Variants in TIA1 observed in about 807,000 individuals in gnomAD.
TIA1 encodes cytotoxic granule associated RNA binding protein TIA1.
Under a neutral mutation model 65.9 loss-of-function variants are expected in TIA1, and 23 were observed. The observed-to-expected ratio is 0.35, with a 90% confidence interval of 0.25 to 0.49. The LOEUF is 0.49. Among genes scored for constraint, TIA1 ranks in the 20% least tolerant of loss-of-function variants. The pLI is 0.98. For synonymous variants in TIA1, 147 were observed against 149.4 expected (o/e 0.98, Z 0.12); for missense variants, 371 against 477.9 (o/e 0.78, Z 2.09).
intron 2 of TIA1, among the ~76,000 whole-genome samples, chr2:70,233,368 A>T (rs1363377482): frequency 2.0e-5 from 3 of 152,202 alleles, no homozygotes; most frequent in African/African-American, 7.2e-5. Context: ...TATTTTGTCT[A>T]AAAAAATTAG....
chr2:70,229,333 T>C lies in TIA1; in HGVS notation c.223-15A>G, dbSNP rs753527539. The C allele has an allele frequency of 2.6e-6, 4 of 1,562,306 alleles. No individual in the cohort carries two copies. Among genetic ancestry groups the C allele is most frequent in the Middle Eastern group, 1.9e-4 (1 of 5,342 alleles). On this transcript the variant is annotated splice_polypyrimidine_tract_variant and intron_variant, in intron 3 of 12. Transcript: ENST00000433529. ...ACTTTGACTTCCTAAAAAAAAAAAA[T>C]TTCTACATTTATACTTCACAAAAAT...
intron 1 of TIA1, 50 bp downstream of exon 1, chr2:70,248,355 C>T (rs1251480865): frequency 1.9e-6 from 3 of 1,588,610 alleles, no homozygotes; most frequent in Non-Finnish European, 2.6e-6. Flanking sequence ...CGAGGCCTTC[C>T]CTCCGGGACG....
At chr2:70,221,482 A>G (rs1049305588) in intron 7 of TIA1, among the ~76,000 whole-genome samples, 2 of 151,184 alleles carry the variant, frequency 1.3e-5, no homozygotes, top group African/African-American at 4.8e-5. Context: ...AAAAAAAAAG[A>G]GAGATCCTAG....
intron 7 of TIA1, among the ~76,000 whole-genome samples, chr2:70,218,420 CTA>C (rs1470032323): frequency 6.6e-6 from 1 of 152,084 alleles, no homozygotes; most frequent in Non-Finnish European, 1.5e-5. Flanking sequence ...TCATCATGAC[CTA>C]TGTTTTAAGA....
intron 1 of TIA1, among the ~76,000 whole-genome samples, chr2:70,238,104 T>C (rs1483343473): frequency 6.7e-6 from 1 of 149,172 alleles, no homozygotes; most frequent in Non-Finnish European, 1.5e-5. Flanking sequence ...GAACTTGCAG[T>C]GAGCCGAGAT....
At chr2:70,222,541 T>A (rs1681935419) in intron 7 of TIA1, among the ~76,000 whole-genome samples, 1 of 152,184 alleles carries the variant, frequency 6.6e-6, no homozygotes, top group Non-Finnish European at 1.5e-5. Context: ...TAGCACTGCG[T>A]AACAGAGCCA....
At chr2:70,237,469 C>T (rs892090131) in intron 1 of TIA1, among the ~76,000 whole-genome samples, 3 of 152,176 alleles carry the variant, frequency 2.0e-5, no homozygotes, top group East Asian at 1.9e-4. Context: ...TTTTAGTCAT[C>T]GTTTTGCAAA....
intron 3 of TIA1, among the ~76,000 whole-genome samples, chr2:70,230,323 T>A (rs1396981580): frequency 6.6e-6 from 1 of 151,866 alleles, no homozygotes; most frequent in African/African-American, 2.4e-5. Context: ...CTTTTTAATA[T>A]TATATGTCAA....
intron 7 of TIA1, among the ~76,000 whole-genome samples, chr2:70,223,820 A>C (rs1682630149): frequency 6.6e-6 from 1 of 152,126 alleles, no homozygotes. Context: ...ATTTATCTCA[A>C]ACTTCTCAGC....
rs1410404213 is a variant in TIA1, at chr2:70,210,513, A to T, written c.*2206T>A. The T allele has an allele frequency of 1.3e-5, 2 of 152,178 alleles. No homozygotes were observed. The allele number at this position is 152,178 out of a possible 1,614,324, so 9.4% of individuals were successfully genotyped here. The stretch of plus-strand genomic sequence containing the variant: ...AGTACTGATACCACTTTCTTCTCAG[A>T]AAGTAGTCAATGTACATTTTAAGAT... On this transcript the variant is annotated 3_prime_UTR_variant, in exon 13 of 13. Transcript: ENST00000433529.
intron 7 of TIA1, among the ~76,000 whole-genome samples, chr2:70,219,513 C>T (rs1157047269): frequency 6.6e-6 from 1 of 152,096 alleles, no homozygotes; most frequent in East Asian, 1.9e-4. Context: ...TAAATAGGGT[C>T]TTATTCTGTC....
At position 70,248,497 on chromosome 2, in the gene TIA1, T is replaced by C. The variant is rs113873389; in HGVS notation, c.-67A>G. On this transcript the variant is annotated 5_prime_UTR_variant, in exon 1 of 13. Transcript: ENST00000433529. ...GCCCTTCACTACCTCCCAAATCGTT[T>C]AAGCGGTTATGGCTACAGGATAGTG... 3.1e-6 allele frequency: 5 copies of C among 1,599,328 alleles called. No homozygotes were observed. The African/African-American group carries it at 6.7e-5, about 21-fold the overall frequency.
Position 70,229,069 on chromosome 2 carries a change from C to T in TIA1, c.300G>A (p.Gln100=). The part of the protein sequence containing the change: ...DTSSSTVVST[Q]RSQDHFHVFV... ...AGAAGATACAATTACCTTGTGAACG[C>T]TGTGTGCTGACAACGGTACTACCTG... Residue 100 remains glutamine, a synonymous_variant, in exon 5 of 13, where the codon CAG becomes CAA. Coordinates refer to ENST00000433529, the MANE Select transcript of TIA1 (RefSeq NM_022173.4). The T allele has an allele frequency of 6.2e-7, 1 of 1,609,334 alleles. No individual in the cohort carries two copies. The highest frequency in any genetic ancestry group is 8.5e-7 in the Non-Finnish European group (1 of 1,178,262).
At chr2:70,225,260 AATTG>A in intron 6 of TIA1, 1 of 1,176,752 alleles carries the variant, frequency 8.5e-7, no homozygotes, top group African/African-American at 1.6e-5. Flanking sequence ...ATTCATATAA[AATTG>A]ATTGGAACTA....
At chr2:70,235,411 G>A (rs886228031) in intron 2 of TIA1, among the ~76,000 whole-genome samples, 10 of 151,912 alleles carry the variant, frequency 6.6e-5, no homozygotes, top group South Asian at 4.1e-4. Context: ...GCAAAACTCC[G>A]TCTCAAAAAA....
rs1676092859 is a variant in TIA1 at position 70,210,026 on chromosome 2, A to G, written c.*2693T>C. ...GCAAGGAAAATGAGACCCTGGTTTCATAATTAATTAAATCTGCAGAATGCC... is the reference window on the plus strand; with the variant it reads ...GCAAGGAAAATGAGACCCTGGTTTCGTAATTAATTAAATCTGCAGAATGCC... On this transcript the variant is annotated 3_prime_UTR_variant, in exon 13 of 13. Coordinates refer to ENST00000433529, the MANE Select transcript of TIA1 (RefSeq NM_022173.4). 3.6e-6 allele frequency: 1 copy of G among 276,734 alleles called. No individual in the cohort carries two copies. The highest frequency in any genetic ancestry group is 6.7e-6 in the Non-Finnish European group (1 of 149,642). The allele number at this position is 276,734 out of a possible 1,614,324, so 17.1% of individuals were successfully genotyped here. A position where few individuals can be genotyped will look rare whatever the true frequency, so the allele number is the denominator to read the frequency against.
intron 7 of TIA1, among the ~76,000 whole-genome samples, chr2:70,221,000 C>T (rs951914805): frequency 1.3e-5 from 2 of 151,646 alleles, no homozygotes; most frequent in African/African-American, 2.4e-5. Context: ...ATTGTTCCTA[C>T]AAAAAAATAT....
intron 6 of TIA1, chr2:70,225,240 T>A: frequency 8.9e-7 from 1 of 1,128,696 alleles, no homozygotes; most frequent in Non-Finnish European, 1.1e-6. Flanking sequence ...ACACTGAATT[T>A]TATAATAGCA....
intron 7 of TIA1, among the ~76,000 whole-genome samples, chr2:70,224,094 T>G (rs1682774531): frequency 6.6e-6 from 1 of 151,866 alleles, no homozygotes; most frequent in African/African-American, 2.4e-5. Context: ...ATTTTTGTAT[T>G]TTTAGTAGAA....
Sources: gnomAD v4.1 joint callset for allele counts (sites outside exome capture counted in the v4.1 genomes callset) on GRCh38, gnomAD v4.1.1 for gene constraint, MANE v1.5 for transcripts, NCBI Gene and HGNC (gene_info 2026-07-23, HGNC 2026-07-21) for gene names.